The following CAMSAP2 variants were observed in gnomAD, a reference collection of about 807,000 sequenced individuals.
CAMSAP2 encodes calmodulin regulated spectrin associated protein family member 2.
Under a neutral mutation model 146.1 loss-of-function variants are expected in CAMSAP2, and 26 were observed. The observed-to-expected ratio is 0.18, with a 90% CI of 0.13 to 0.25. The LOEUF (loss-of-function observed/expected upper bound fraction) is 0.25, where lower values mean the gene tolerates loss of function less well. CAMSAP2 is among the 10% of genes least tolerant of loss of function. CAMSAP2 has a pLI of 1.00. For missense variants in CAMSAP2, 1,381 were observed against 1,759.3 expected (o/e 0.78, Z 3.85); for synonymous variants, 499 against 596.6 (o/e 0.84, Z 2.38).
chr1:200,807,610 A>G lies in CAMSAP2; in HGVS notation c.561+73A>G, dbSNP rs113103242. The stretch of plus-strand genomic sequence containing the variant: ...GTGAAATTCTAAATTATACATTGCC[A>G]CTTCATTACTCTTTTTGTTTCAAAT... On this transcript the variant is annotated intron_variant, in intron 3 of 16. Coordinates refer to ENST00000358823, the MANE Select transcript of CAMSAP2 (RefSeq NM_203459.4). 1.3e-3 allele frequency: 1,401 copies of G among 1,088,230 alleles called. 2 individuals carry two copies. The highest frequency in any genetic ancestry group is 2.9e-3 in the Admixed American group (101 of 35,090). 67.4% of individuals were successfully genotyped at this position (1,088,230 alleles called of 1,614,324 possible). A position where few individuals can be genotyped will look rare whatever the true frequency, so the allele number is the denominator to read the frequency against.
intron 2 of CAMSAP2, among the ~76,000 whole-genome samples, chr1:200,764,116 T>C: frequency 6.6e-6 from 1 of 152,042 alleles, no homozygotes; most frequent in East Asian, 1.9e-4. Context: ...AAAGTAAGAG[T>C]TAATGTAAAT....
At chr1:200,767,782 A>G (rs570906110) in intron 2 of CAMSAP2, among the ~76,000 whole-genome samples, 15 of 152,194 alleles carry the variant, frequency 9.9e-5, no homozygotes, top group African/African-American at 3.6e-4. Flanking sequence ...CTTCATGCAC[A>G]GTGCTAGAAC....
chr1:200,807,122 CAA>C (rs1666198881), intron 2 of CAMSAP2, among the ~76,000 whole-genome samples: 1 of 151,958 alleles, frequency 6.6e-6, no homozygotes, highest in East Asian at 1.9e-4. Context: ...ATAGGAAAAA[CAA>C]GAAAAGAAGC....
chr1:200,822,654 A>G (rs1238672877), intron 4 of CAMSAP2, among the ~76,000 whole-genome samples: 1 of 152,218 alleles, frequency 6.6e-6, no homozygotes, highest in East Asian at 1.9e-4. Flanking sequence ...ACAGGGTTAC[A>G]TTAGTCCTCT....
chr1:200,834,561 A>T (rs1667137395), intron 6 of CAMSAP2, among the ~76,000 whole-genome samples: 1 of 152,228 alleles, frequency 6.6e-6, no homozygotes, highest in Non-Finnish European at 1.5e-5. Flanking sequence ...AAGTCAATTC[A>T]GAAATCAGAA....
intron 1 of CAMSAP2, among the ~76,000 whole-genome samples, chr1:200,755,614 A>G (rs1290793651): frequency 6.6e-6 from 1 of 152,206 alleles, no homozygotes; most frequent in East Asian, 1.9e-4. Context: ...GTAATAATGT[A>G]GAGGGCAGGA....
At chr1:200,794,947 A>C (rs1290646946) in intron 2 of CAMSAP2, among the ~76,000 whole-genome samples, 1 of 152,200 alleles carries the variant, frequency 6.6e-6, no homozygotes, top group Non-Finnish European at 1.5e-5. Flanking sequence ...TTATTTTTAC[A>C]GCATGAAATG....
intron 2 of CAMSAP2, among the ~76,000 whole-genome samples, chr1:200,771,982 CAATA>C (rs1374119274): frequency 6.6e-6 from 1 of 152,024 alleles, no homozygotes; most frequent in Non-Finnish European, 1.5e-5. Context: ...TGTAGCTAAA[CAATA>C]AATAAATAAA....
chr1:200,776,020 T>A (rs1167923553), intron 2 of CAMSAP2, among the ~76,000 whole-genome samples: 1 of 152,114 alleles, frequency 6.6e-6, no homozygotes, highest in Non-Finnish European at 1.5e-5. Flanking sequence ...TCACTGTTTC[T>A]TGCATGGTGA....
Position 200,832,804 on chromosome 1 carries a change from T to C in CAMSAP2, c.886T>C (p.Phe296Leu). ...AGAATACTTGAACCAGTGTTGCCAT[T>C]TCACTCTGGAAGATATGCTCTATGC... is the stretch of plus-strand genomic sequence containing the variant. ...CQEYLNQCCH[F>L]TLEDMLYAAS... The change falls in exon 6 of 17, where the codon TTC (phenylalanine) becomes CTC (leucine). Residue 296 changes from phenylalanine to leucine, a missense_variant. This residue lies in a region of CAMSAP2 where 284 missense variants were observed against 406.9 expected (regional missense o/e 0.70). Coordinates refer to ENST00000358823, the MANE Select transcript of CAMSAP2 (RefSeq NM_203459.4). The surrounding 1 kb of genome is among the most constrained non-coding windows in gnomAD (Gnocchi z 4.2). The C allele has an allele frequency of 6.2e-7, 1 of 1,611,314 alleles. No individual in the cohort carries two copies. The highest frequency in any genetic ancestry group is 8.5e-7 in the Non-Finnish European group (1 of 1,178,416).
At chr1:200,754,478 T>G (rs963182839) in intron 1 of CAMSAP2, among the ~76,000 whole-genome samples, 8 of 151,990 alleles carry the variant, frequency 5.3e-5, no homozygotes, top group Admixed American at 5.2e-4. Context: ...CATTTTAGAA[T>G]CCAGTAATGA....
intron 4 of CAMSAP2, among the ~76,000 whole-genome samples, chr1:200,822,594 A>T (rs1294480386): frequency 6.6e-6 from 1 of 152,184 alleles, no homozygotes; most frequent in African/African-American, 2.4e-5. Context: ...CCCCTGCTAG[A>T]TAATGTTCAT....
At position 200,739,500 on chromosome 1, in the gene CAMSAP2, G is replaced by A. The variant is rs1419001595; in HGVS notation, c.-328G>A. On this transcript the variant is annotated 5_prime_UTR_variant, in exon 1 of 17. Coordinates refer to ENST00000358823, the MANE Select transcript of CAMSAP2 (RefSeq NM_203459.4). This position sits in a 1 kb window ranked among gnomAD's most constrained non-coding sequence, Gnocchi z 4.8. ...CCGTGTGACTAAACCGAGACAAAGG[G>A]GAGGCGGCCTCGCTCACACGCGGGC... 1 of 159,596 alleles carries A rather than the reference G, an allele frequency of 6.3e-6. No individual in the cohort carries two copies. The highest frequency in any genetic ancestry group is 2.4e-5 in the African/African-American group (1 of 41,634). 9.9% of individuals were successfully genotyped at this position (159,596 alleles called of 1,614,324 possible).
In CAMSAP2 at chr1:200,739,780, G is replaced by C; in HGVS notation, c.-48G>C. 1.4e-6 allele frequency: 2 copies of C among 1,455,088 alleles called. No homozygotes were observed. Among genetic ancestry groups the C allele is most frequent in the Non-Finnish European group, 9.3e-7 (1 of 1,080,520 alleles). 90.1% of individuals were successfully genotyped at this position (1,455,088 alleles called of 1,614,324 possible). On this transcript the variant is annotated 5_prime_UTR_variant, in exon 1 of 17. Coordinates refer to ENST00000358823, the MANE Select transcript of CAMSAP2 (RefSeq NM_203459.4). This position sits in a 1 kb window ranked among gnomAD's most constrained non-coding sequence, Gnocchi z 4.8. ...CCGACCCCCGTGGTGGCGAGGCCAC[G>C]CCATGTGAAGGTTAGGGCCGGGACA... is the stretch of plus-strand genomic sequence containing the variant.
chr1:200,805,017 T>G (rs1666135540), intron 2 of CAMSAP2, among the ~76,000 whole-genome samples: 1 of 152,240 alleles, frequency 6.6e-6, no homozygotes, highest in African/African-American at 2.4e-5. Flanking sequence ...ATACTTCCTT[T>G]AGAGACTTTT....
chr1:200,764,893 G>A (rs1664902530), intron 2 of CAMSAP2, among the ~76,000 whole-genome samples: 1 of 151,962 alleles, frequency 6.6e-6, no homozygotes, highest in Admixed American at 6.6e-5. Flanking sequence ...CACCTGAGGT[G>A]AGGAGTTTGA....
Position 200,849,044 on chromosome 1 carries a change from G to C in CAMSAP2, c.2275G>C (p.Glu759Gln). The change falls in exon 11 of 17, where the codon GAA (glutamate) becomes CAA (glutamine). Residue 759 changes from glutamate (E) to glutamine (Q), a missense_variant. Coordinates refer to ENST00000358823, the MANE Select transcript of CAMSAP2 (RefSeq NM_203459.4). This position sits in a 1 kb window ranked among gnomAD's most constrained non-coding sequence, Gnocchi z 6.3. Reference protein sequence around the residue: ...EMVHLRMKLEEKRRAIEAQKK... With the variant: ...EMVHLRMKLEQKRRAIEAQKK... The stretch of plus-strand genomic sequence containing the variant: ...GGTGCATCTTAGGATGAAACTAGAA[G>C]AAAAGAGGCGTGCTATAGAAGCCCA... The C allele has an allele frequency of 6.2e-7, 1 of 1,614,052 alleles. No individual in the cohort carries two copies. Among genetic ancestry groups the C allele is most frequent in the Non-Finnish European group, 8.5e-7 (1 of 1,179,978 alleles).
chr1:200,847,140 T>A (rs939161708), intron 8 of CAMSAP2, 70 bp from the exon 9 acceptor site: 2 of 1,137,894 alleles, frequency 1.8e-6, no homozygotes, highest in Admixed American at 4.1e-5. Context: ...TGTTTCTAAC[T>A]TAAGACATTC....
At chr1:200,783,519 G>T (rs890055227) in intron 2 of CAMSAP2, among the ~76,000 whole-genome samples, 1 of 152,110 alleles carries the variant, frequency 6.6e-6, no homozygotes, top group Non-Finnish European at 1.5e-5. Flanking sequence ...GCCTTGCTCT[G>T]TTGTCCAGGC....
Sources: gnomAD v4.1 joint callset for allele counts (sites outside exome capture counted in the v4.1 genomes callset) on GRCh38, gnomAD v4.1.1 for gene constraint, gnomAD v4.1.1 regional missense constraint, Gnocchi (gnomAD v3.1) non-coding constraint, MANE v1.5 for transcripts, NCBI Gene and HGNC (gene_info 2026-07-23, HGNC 2026-07-21) for gene names.